NCOR2: variants seen among roughly 807,000 people sequenced by gnomAD.
NCOR2 encodes the protein nuclear receptor corepressor 2, also known as CTG repeat protein 26.
Under a neutral mutation model 262.9 loss-of-function variants are expected in NCOR2, and 81 were observed. That is an observed-to-expected ratio of 0.31 (90% CI 0.26 to 0.37). NCOR2 has a LOEUF of 0.37. Among genes scored for constraint, NCOR2 ranks in the 10% least tolerant of loss-of-function variants. NCOR2 has a pLI of 1.00. For synonymous variants in NCOR2, 1,659 were observed against 1,559.3 expected (o/e 1.06, Z -1.51); for missense variants, 3,385 against 3,621.4 (o/e 0.93, Z 1.68).
At chr12:124,343,219 A>G in exon 33 of NCOR2, 3 of 1,607,544 alleles carry the variant, frequency 1.9e-6, no homozygotes, top group Non-Finnish European at 2.6e-6. Flanking sequence ...TGCTGGACGA[A>G]AGGCTGCCTG....
intron 1 of NCOR2, among the ~76,000 whole-genome samples, chr12:124,534,408 A>G (rs1029659475): frequency 6.6e-6 from 1 of 151,318 alleles, no homozygotes; most frequent in Non-Finnish European, 1.5e-5. Flanking sequence ...GTGAGCCAAG[A>G]TCACACCACT....
At position 124,486,860 on chromosome 12, in the gene NCOR2, T is replaced by C. The variant is rs529037905; in HGVS notation, c.106-292A>G. 2.0e-5 allele frequency among the ~76,000 whole-genome samples: 3 copies of C among 152,270 alleles called. No individual in the cohort carries two copies. In the South Asian group the frequency reaches 6.2e-4, roughly 32 times the overall value. ...ACCTTCCAAATGAGACTGCCAAGCC[T>C]GGGAGGTCTGATGGGGCTGTCTGAG... On this transcript the variant is annotated intron_variant, in intron 1 of 46. Transcript: ENST00000405201.
chr12:124,380,660 G>C (rs2040343043), intron 17 of NCOR2, among the ~76,000 whole-genome samples: 1 of 152,146 alleles, frequency 6.6e-6, no homozygotes. Context: ...CTCAGGGCTG[G>C]GTGCCCTGAG....
intron 1 of NCOR2, among the ~76,000 whole-genome samples, chr12:124,532,397 A>G (rs1280510951): frequency 2.6e-5 from 4 of 152,118 alleles, no homozygotes; most frequent in East Asian, 1.9e-4. Flanking sequence ...GCCTGCCTCA[A>G]TGTGCCCCCA....
At chr12:124,456,960 G>T in intron 6 of NCOR2, 146 bp downstream of exon 8, 1 of 610,450 alleles carries the variant, frequency 1.6e-6, no homozygotes. Context: ...TCAGGAAGGT[G>T]GGTTTCCTGC....
intron 1 of NCOR2, among the ~76,000 whole-genome samples, chr12:124,534,504 T>A (rs1273538024): frequency 6.6e-6 from 1 of 152,006 alleles, no homozygotes; most frequent in African/African-American, 2.4e-5. Context: ...CACTGTCATA[T>A]ATGCGGTCCA....
At chr12:124,488,960 T>C (rs1238896510) in intron 1 of NCOR2, among the ~76,000 whole-genome samples, 2 of 151,648 alleles carry the variant, frequency 1.3e-5, no homozygotes, top group Non-Finnish European at 2.9e-5. Flanking sequence ...TTGGGTGCCG[T>C]TTCTGCCCAA....
chr12:124,499,900 G>C (rs562174410), upstream of NCOR2, among the ~76,000 whole-genome samples: 14 of 152,248 alleles, frequency 9.2e-5, no homozygotes, highest in Admixed American at 4.6e-4. Context: ...GACACTGGGG[G>C]ATCAGGGCAA....
At chr12:124,555,165 C>T (rs1351255819) in intron 1 of NCOR2, among the ~76,000 whole-genome samples, 2 of 152,192 alleles carry the variant, frequency 1.3e-5, no homozygotes, top group African/African-American at 4.8e-5. Context: ...CTGGCCACAC[C>T]GGGTTATTGT....
At chr12:124,420,121 G>A in intron 12 of NCOR2, 66 bp from the exon 15 acceptor site, 1 of 1,360,336 alleles carries the variant, frequency 7.4e-7, no homozygotes, top group South Asian at 1.2e-5. Context: ...GGAGCCAGGA[G>A]CTCACATCCT....
intron 11 of NCOR2, among the ~76,000 whole-genome samples, chr12:124,425,259 A>G (rs1450587875): frequency 1.3e-5 from 2 of 152,150 alleles, no homozygotes; most frequent in Non-Finnish European, 2.9e-5. Flanking sequence ...CTGTAGTCCC[A>G]GCTACTCGGG....
At chr12:124,384,023 G>A (rs911210723) in intron 17 of NCOR2, among the ~76,000 whole-genome samples, 5 of 151,966 alleles carry the variant, frequency 3.3e-5, no homozygotes, top group Non-Finnish European at 4.4e-5. Context: ...GACAGGCGGA[G>A]GGAGCCCCAG....
chr12:124,373,481 G>T, intron 19 of NCOR2, among the ~76,000 whole-genome samples: 1 of 106,166 alleles, frequency 9.4e-6, no homozygotes, highest in African/African-American at 4.1e-5. Context: ...AGGGGCCCCG[G>T]GCACAGTGGA....
At chr12:124,505,066 A>C (rs2048970081) in intron 1 of NCOR2, among the ~76,000 whole-genome samples, 1 of 152,220 alleles carries the variant, frequency 6.6e-6, no homozygotes, top group East Asian at 1.9e-4. Flanking sequence ...GACAGGGGAA[A>C]CTGAGGTTCC....
chr12:124,364,062 C>G (rs1397212829), intron 20 of NCOR2, among the ~76,000 whole-genome samples: 2 of 152,182 alleles, frequency 1.3e-5, no homozygotes, highest in African/African-American at 4.8e-5. Context: ...TCTTGCAGGC[C>G]CCATCAGGGG....
intron 33 of NCOR2, 33 bp from the exon 36 acceptor site, chr12:124,342,107 G>A: frequency 6.3e-7 from 1 of 1,584,380 alleles, no homozygotes; most frequent in Non-Finnish European, 8.6e-7. Flanking sequence ...TGTGAGGCCA[G>A]CCATACCTAG....
chr12:124,424,445 G>T (rs941099867), intron 11 of NCOR2, among the ~76,000 whole-genome samples: 8 of 152,154 alleles, frequency 5.3e-5, no homozygotes, highest in Admixed American at 5.2e-4. Context: ...TTCCTGCTCA[G>T]GAACCAAGCG....
At chr12:124,522,185 G>A (rs1298387194) in intron 1 of NCOR2, among the ~76,000 whole-genome samples, 1 of 152,198 alleles carries the variant, frequency 6.6e-6, no homozygotes, top group African/African-American at 2.4e-5. Context: ...CCTACTGTAT[G>A]TGCTGAGCAC....
chr12:124,427,046 A>C (rs1048738517), intron 10 of NCOR2, among the ~76,000 whole-genome samples: 2 of 152,228 alleles, frequency 1.3e-5, no homozygotes, highest in African/African-American at 4.8e-5. Flanking sequence ...AGAGAGCAGC[A>C]GCCGCCTTCT....
Sources: gnomAD v4.1 joint callset for allele counts (sites outside exome capture counted in the v4.1 genomes callset) on GRCh38, gnomAD v4.1.1 for gene constraint, MANE v1.5 for transcripts, NCBI Gene and HGNC (gene_info 2026-07-23, HGNC 2026-07-21) for gene names.